Variants in MAPK10 observed in about 807,000 individuals in gnomAD.
The protein encoded by MAPK10 is mitogen-activated protein kinase 10.
In MAPK10, 25 loss-of-function variants were observed where a neutral mutation model predicts 59.3. The ratio of observed to expected loss-of-function variants is 0.42; its 90% CI spans 0.31 to 0.59. The LOEUF is 0.59. MAPK10 is among the 20% of genes least tolerant of loss of function. The pLI is 0.15. For missense variants in MAPK10, 351 were observed against 568.9 expected (o/e 0.62, Z 3.90); for synonymous variants, 190 against 200.5 (o/e 0.95, Z 0.44).
At chr4:86,313,393 C>T (rs763831054) in intron 2 of MAPK10, among the ~76,000 whole-genome samples, 4 of 151,862 alleles carry the variant, frequency 2.6e-5, no homozygotes, top group Admixed American at 1.3e-4. Flanking sequence ...TATATTGAAC[C>T]TTATTAAAAT....
chr4:86,415,902 T>C (rs958825752), intron 1 of MAPK10, among the ~76,000 whole-genome samples: 3 of 152,206 alleles, frequency 2.0e-5, no homozygotes, highest in African/African-American at 4.8e-5. Context: ...TGGTCCAGAA[T>C]ATGCCTTCCA....
chr4:86,206,874 C>A (rs1475774633), intron 2 of MAPK10, among the ~76,000 whole-genome samples: 2 of 152,136 alleles, frequency 1.3e-5, no homozygotes, highest in Non-Finnish European at 2.9e-5. Flanking sequence ...ATATCCTTCA[C>A]CCACTTTTTG....
In MAPK10 at chr4:86,288,057, G is replaced by A. The variant is rs182401728; in HGVS notation, c.-7+66473C>T. ...TCAGACTGCAATCAGTCTAACTAACGCTAGTTCTGACTTCGTTATCACCTG... is the reference window on the plus strand; with the variant it reads ...TCAGACTGCAATCAGTCTAACTAACACTAGTTCTGACTTCGTTATCACCTG... On this transcript the variant is annotated intron_variant, in intron 2 of 13. Transcript: ENST00000641462. Among the ~76,000 whole-genome samples, 20 of 152,212 alleles carry A rather than the reference G, an allele frequency of 1.3e-4. No homozygotes were observed. The East Asian group carries it at 1.5e-3, about 12-fold the overall frequency.
At chr4:86,022,347 A>C (rs1446584295) in intron 13 of MAPK10, among the ~76,000 whole-genome samples, 2 of 152,226 alleles carry the variant, frequency 1.3e-5, no homozygotes, top group African/African-American at 4.8e-5. Context: ...ATAGCTAATA[A>C]TGTTGAGTAT....
At position 86,333,892 on chromosome 4, in the gene MAPK10, AC is replaced by A. The variant is rs755295709; in HGVS notation, c.-7+20637del. 3.3e-5 allele frequency among the ~76,000 whole-genome samples: 5 copies of A among 152,260 alleles called. No individual in the cohort carries two copies. The East Asian group carries it at 9.6e-4, about 29-fold the overall frequency. ...AAGTGTCATATATGTTTTAACTTTT[AC>A]CACTATTATTATTATTATTATCATT... On this transcript the variant is annotated intron_variant, in intron 2 of 13. Coordinates refer to ENST00000641462, the MANE Select transcript of MAPK10 (RefSeq NM_138982.4).
At chr4:86,410,382 G>T (rs913598330) in intron 1 of MAPK10, among the ~76,000 whole-genome samples, 1 of 152,152 alleles carries the variant, frequency 6.6e-6, no homozygotes, top group African/African-American at 2.4e-5. Context: ...TTGTGTCTCT[G>T]CCAGACTTTT....
At chr4:86,024,041 ATAAT>A (rs1197025298) in intron 13 of MAPK10, 2 of 151,920 alleles carry the variant, frequency 1.3e-5, no homozygotes, top group East Asian at 3.8e-4. Flanking sequence ...TAAGTCTTTA[ATAAT>A]AATCTTGGTC....
intron 11 of MAPK10, 44 bp downstream of exon 11, chr4:86,064,222 A>C: frequency 6.2e-7 from 1 of 1,611,522 alleles, no homozygotes. Context: ...GCTATGAGCT[A>C]TGATTTGTTT....
At chr4:86,121,265 T>C (rs963422052) in intron 4 of MAPK10, among the ~76,000 whole-genome samples, 3 of 152,188 alleles carry the variant, frequency 2.0e-5, no homozygotes, top group Non-Finnish European at 2.9e-5. Flanking sequence ...ACAGCCAGAT[T>C]TGGTGACTGG....
chr4:86,216,082 A>G (rs2087479709), intron 2 of MAPK10, among the ~76,000 whole-genome samples: 1 of 152,098 alleles, frequency 6.6e-6, no homozygotes, highest in Non-Finnish European at 1.5e-5. Context: ...AATGAAAAAT[A>G]GAATTACCAT....
intron 1 of MAPK10, among the ~76,000 whole-genome samples, chr4:86,461,325 G>C (rs1579299577): frequency 6.6e-6 from 1 of 152,260 alleles, no homozygotes; most frequent in East Asian, 1.9e-4. Context: ...GAAGTGGATG[G>C]GGAAGGCACA....
At chr4:86,477,039 T>C (rs1753148718) in intron 1 of MAPK10, among the ~76,000 whole-genome samples, 1 of 152,128 alleles carries the variant, frequency 6.6e-6, no homozygotes, top group Admixed American at 6.5e-5. Flanking sequence ...CCTTCCCAGA[T>C]CCTCTCGGCT....
chr4:86,572,141 A>G (rs376337971), intron 1 of MAPK10, among the ~76,000 whole-genome samples: 2 of 152,114 alleles, frequency 1.3e-5, no homozygotes, highest in East Asian at 3.9e-4. Flanking sequence ...AGAACAGTGG[A>G]AACACTACAC....
intron 4 of MAPK10, among the ~76,000 whole-genome samples, chr4:86,130,813 AG>A (rs1400968585): frequency 6.6e-6 from 1 of 152,264 alleles, no homozygotes; most frequent in East Asian, 1.9e-4. Flanking sequence ...ATTGTCACTT[AG>A]GGCAGTAGGA....
In MAPK10 at chr4:86,397,264, A is replaced by T. The variant is rs141871943; in HGVS notation, c.-121-42620T>A. ...GTCTAACTTATTGAGAACCTGCGTC[A>T]GGTTCTCAATCTATGAGGTGAATTT... On this transcript the variant is annotated intron_variant, in intron 1 of 13. Transcript: ENST00000361569. 2.7e-3 allele frequency among the ~76,000 whole-genome samples: 409 copies of T among 152,318 alleles called. 3 individuals carry two copies. The highest frequency in any genetic ancestry group is 3.9e-3 in the Non-Finnish European group (268 of 68,034).
chr4:86,392,908 T>C (rs1327000267), intron 1 of MAPK10, among the ~76,000 whole-genome samples: 1 of 152,178 alleles, frequency 6.6e-6, no homozygotes, highest in Non-Finnish European at 1.5e-5. Context: ...AGAGAACTGT[T>C]AGGAAGTTTG....
At chr4:86,355,819 G>A (rs759488368) in intron 1 of MAPK10, among the ~76,000 whole-genome samples, 15 of 152,244 alleles carry the variant, frequency 9.9e-5, no homozygotes, top group Non-Finnish European at 1.9e-4. Context: ...CAAATAAACA[G>A]ACCTAACCTA....
intron 1 of MAPK10, among the ~76,000 whole-genome samples, chr4:86,447,869 C>T (rs914374172): frequency 6.6e-6 from 1 of 152,148 alleles, no homozygotes; most frequent in East Asian, 1.9e-4. Context: ...CTTTTTTACA[C>T]CTACCTAGAA....
intron 2 of MAPK10, among the ~76,000 whole-genome samples, chr4:86,230,532 T>C (rs954907446): frequency 2.6e-5 from 4 of 152,218 alleles, no homozygotes; most frequent in Non-Finnish European, 5.9e-5. Flanking sequence ...GAAAAAACCA[T>C]GAGGATAAAT....
Sources: allele counts gnomAD v4.1 joint callset (sites outside exome capture counted in the v4.1 genomes callset), GRCh38; gene constraint gnomAD v4.1.1; transcripts MANE v1.5; gene names NCBI Gene and HGNC (gene_info 2026-07-23, HGNC 2026-07-21).